The following BROX variants were observed in gnomAD, a reference collection of about 807,000 sequenced individuals.
The protein encoded by BROX is BRO1 domain and CAAX motif containing, also known as BRO1 domain-containing protein BROX.
A neutral mutation model predicts 61.0 loss-of-function variants in BROX; 53 were observed. The ratio of observed to expected loss-of-function variants is 0.87; its 90% CI spans 0.70 to 1.09. BROX has a LOEUF of 1.09. Among genes scored for constraint, BROX ranks in the 50% least tolerant of loss-of-function variants. The pLI, the probability that BROX is intolerant of heterozygous loss-of-function variation, is 0.00. For missense variants in BROX, 489 were observed against 472.0 expected (o/e 1.04, Z -0.33); for synonymous variants, 152 against 160.2 (o/e 0.95, Z 0.38).
At chr1:222,714,364 G>A (rs1355514633) in intron 1 of BROX, among the ~76,000 whole-genome samples, 3 of 151,286 alleles carry the variant, frequency 2.0e-5, no homozygotes, top group Non-Finnish European at 4.4e-5. Context: ...CACCATGCCC[G>A]GCTAATTTTT....
At chr1:222,719,507 C>T in intron 4 of BROX, 148 bp downstream of exon 4, 3 of 604,528 alleles carry the variant, frequency 5.0e-6, no homozygotes, top group Non-Finnish European at 3.0e-6. Flanking sequence ...AAGCATTTTA[C>T]CTCAATCCTA....
chr1:222,722,309 A>T, intron 4 of BROX, 110 bp from the exon 5 acceptor site: 1 of 836,966 alleles, frequency 1.2e-6, no homozygotes, highest in Middle Eastern at 2.4e-4. Context: ...TTCCTCATAC[A>T]TACCAGTTAG....
chr1:222,722,019 AT>A (rs970987186), intron 4 of BROX, among the ~76,000 whole-genome samples: 1 of 152,102 alleles, frequency 6.6e-6, no homozygotes, highest in Admixed American at 6.5e-5. Flanking sequence ...TCTCCTCTGA[AT>A]TTGATTTTTC....
At chr1:222,718,296 A>G (rs1656791031) in intron 2 of BROX, among the ~76,000 whole-genome samples, 1 of 152,218 alleles carries the variant, frequency 6.6e-6, no homozygotes. Flanking sequence ...ATTGCTATAG[A>G]GAAGTAAAGG....
intron 7 of BROX, among the ~76,000 whole-genome samples, chr1:222,725,866 G>A (rs557239192): frequency 9.2e-5 from 14 of 152,290 alleles, no homozygotes; most frequent in South Asian, 8.3e-4. Flanking sequence ...AGGCAAGACC[G>A]TGCCACTGCA....
intron 8 of BROX, among the ~76,000 whole-genome samples, chr1:222,727,799 G>A (rs770324506): frequency 6.6e-6 from 1 of 152,148 alleles, no homozygotes; most frequent in Non-Finnish European, 1.5e-5. Flanking sequence ...TCACAGCGGC[G>A]AATTAGGAAC....
chr1:222,713,355 G>C (rs1187782257), intron 1 of BROX: 22 of 985,580 alleles, frequency 2.2e-5, no homozygotes, highest in Non-Finnish European at 2.5e-5. Context: ...GACTGGGCAC[G>C]GGAGGAAGAG....
At chr1:222,728,212 C>G (rs547540087) in intron 8 of BROX, among the ~76,000 whole-genome samples, 4 of 152,226 alleles carry the variant, frequency 2.6e-5, no homozygotes, top group African/African-American at 9.6e-5. Context: ...TTAAGAAATT[C>G]TTAAAGTTTA....
chr1:222,725,604 T>C (rs751580734), intron 7 of BROX, 49 bp downstream of exon 7: 18 of 1,424,888 alleles, frequency 1.3e-5, no homozygotes, highest in Non-Finnish European at 1.6e-5. Flanking sequence ...TATATTGTCA[T>C]TGAATTCCTC....
Position 222,731,500 on chromosome 1 carries a change from G to A in BROX, c.1133G>A (p.Arg378Lys), listed in dbSNP as rs774492843. The A allele has an allele frequency of 1.2e-5, 19 of 1,587,736 alleles. No homozygotes were observed. Among genetic ancestry groups the A allele is most frequent in the Non-Finnish European group, 1.4e-5 (17 of 1,173,322 alleles). ...ETLAAFDLTK[R>K]PKDDSTKPKP... Reference sequence around the variant, plus strand: ...TTGGCTGCATTTGATCTCACCAAAAGACCCAAGGATGACAGTGTATGAGAT... The same window carrying A: ...TTGGCTGCATTTGATCTCACCAAAAAACCCAAGGATGACAGTGTATGAGAT... Residue 378 changes from arginine (R) to lysine (K), a missense_variant, in exon 12 of 13, where the codon AGA becomes AAA. By Grantham distance (26) the Arg-to-Lys change is conservative. Coordinates refer to ENST00000340934, the MANE Select transcript of BROX (RefSeq NM_144695.4).
intron 1 of BROX, chr1:222,713,460 T>G (rs1404242090): frequency 1.8e-5 from 18 of 982,646 alleles, no homozygotes; most frequent in African/African-American, 1.7e-4. Context: ...TGGGGGTCCC[T>G]TGTTAGGAGC....
chr1:222,722,849 A>G (rs1331072620), intron 5 of BROX, among the ~76,000 whole-genome samples: 3 of 152,212 alleles, frequency 2.0e-5, no homozygotes, highest in Non-Finnish European at 4.4e-5. Context: ...CATATGATAA[A>G]TTGTTTGTTT....
intron 7 of BROX, among the ~76,000 whole-genome samples, chr1:222,726,523 C>T (rs1240328002): frequency 6.6e-6 from 1 of 152,056 alleles, no homozygotes; most frequent in East Asian, 1.9e-4. Context: ...TCGAGACCAG[C>T]CTGACCAACA....
chr1:222,732,849 T>C lies in BROX; in HGVS notation c.*135T>C. 1 of 671,460 alleles carries C rather than the reference T, an allele frequency of 1.5e-6. No homozygotes were observed. The highest frequency in any genetic ancestry group is 2.8e-4 in the Middle Eastern group (1 of 3,516). The allele number at this position is 671,460 out of a possible 1,614,324, so 41.6% of individuals were successfully genotyped here. A position where few individuals can be genotyped will look rare whatever the true frequency, so the allele number is the denominator to read the frequency against. Reference sequence around the variant, plus strand: ...TTCAGAGGGTTATCTGCCTTCAGCTTACTTGTTCTTAATTTTTAATACAGC... The same window carrying C: ...TTCAGAGGGTTATCTGCCTTCAGCTCACTTGTTCTTAATTTTTAATACAGC... On this transcript the variant is annotated 3_prime_UTR_variant, in exon 13 of 13. Coordinates refer to ENST00000340934, the MANE Select transcript of BROX (RefSeq NM_144695.4).
chr1:222,723,550 T>G (rs1657263448), intron 5 of BROX, among the ~76,000 whole-genome samples: 1 of 152,254 alleles, frequency 6.6e-6, no homozygotes, highest in Admixed American at 6.5e-5. Flanking sequence ...TGTCATATAC[T>G]TGTTTTCAAG....
rs773368101 is a variant in BROX at position 222,727,198 on chromosome 1, A to G, written c.611A>G (p.His204Arg). The G allele has an allele frequency of 1.7e-5, 28 of 1,613,518 alleles. No homozygotes were observed. The South Asian group carries it at 2.6e-4, about 15-fold the overall frequency. ...VTIARAIELK[H>R]APGLIAALAY... Reference sequence around the variant, plus strand: ...ATTGCTCGAGCAATTGAACTAAAACATGCTCCTGGACTAATTGCTGCACTG... The same window carrying G: ...ATTGCTCGAGCAATTGAACTAAAACGTGCTCCTGGACTAATTGCTGCACTG... Residue 204 changes from histidine (H) to arginine (R), a missense_variant, in exon 8 of 13, where the codon CAT becomes CGT. Physicochemically the swap from His to Arg is conservative, Grantham distance 29. Transcript: ENST00000340934.
At position 222,724,127 on chromosome 1, in the gene BROX, G is replaced by A. The variant is rs768106279; in HGVS notation, c.437G>A (p.Ser146Asn). 1 of 1,611,884 alleles carries A rather than the reference G, an allele frequency of 6.2e-7. No individual in the cohort carries two copies. Among genetic ancestry groups the A allele is most frequent in the South Asian group, 1.1e-5 (1 of 90,478 alleles). Residue 146 changes from serine to asparagine, a missense_variant, in exon 6 of 13, where the codon AGC becomes AAC. Physicochemically the swap from Ser to Asn is conservative, Grantham distance 46. Coordinates refer to ENST00000340934, the MANE Select transcript of BROX (RefSeq NM_144695.4). ...GATGAAGCAAAAGAAGTTCATCGAA[G>A]CCTAAAGATTGCAGCTGGGATTTTT... ...TEDEAKEVHR[S>N]LKIAAGIFKH...
intron 4 of BROX, among the ~76,000 whole-genome samples, chr1:222,720,315 C>T (rs1293835362): frequency 6.6e-6 from 1 of 152,088 alleles, no homozygotes; most frequent in African/African-American, 2.4e-5. Flanking sequence ...TCATAATATT[C>T]TGGGATACTC....
In BROX at chr1:222,718,959, C is replaced by T; in HGVS notation, c.136C>T (p.Leu46=). The T allele has an allele frequency of 1.2e-6, 2 of 1,613,930 alleles. No homozygotes were observed. The highest frequency in any genetic ancestry group is 1.3e-5 in the African/African-American group (1 of 75,050). ...GTCATCCAGGGCACGACTCCTTGAACTGTTCACTGATTTGAGCTGTAATCC... is the reference window on the plus strand; with the variant it reads ...GTCATCCAGGGCACGACTCCTTGAATTGTTCACTGATTTGAGCTGTAATCC... The part of the protein sequence containing the change: ...LRSSRARLLE[L]FTDLSCNPEM... Residue 46 remains leucine (L), a synonymous_variant, in exon 3 of 13, where the codon CTG becomes TTG. Transcript: ENST00000340934.
Sources: gnomAD v4.1 joint callset for allele counts (sites outside exome capture counted in the v4.1 genomes callset) on GRCh38, gnomAD v4.1.1 for gene constraint, MANE v1.5 for transcripts, NCBI Gene and HGNC (gene_info 2026-07-23, HGNC 2026-07-21) for gene names.